RAPGEF6: variants seen among roughly 807,000 people sequenced by gnomAD.
The protein encoded by RAPGEF6 is PDZ domain containing guanine nucleotide exchange factor (GEF) 2.
Under a neutral mutation model 171.4 loss-of-function variants are expected in RAPGEF6, and 56 were observed. The ratio of observed to expected loss-of-function variants is 0.33; its 90% CI spans 0.26 to 0.41. The LOEUF is 0.41. Ranked by LOEUF, RAPGEF6 falls within the 10% of genes least tolerant of loss-of-function variation. RAPGEF6 has a pLI of 1.00. For missense variants in RAPGEF6, 1,674 were observed against 1,921.4 expected, an observed-to-expected ratio of 0.87 and a Z score of 2.41; for synonymous variants, 692 against 650.1, an observed-to-expected ratio of 1.06 and a Z score of -0.98.
At chr5:131,433,902 G>A (rs765503382) in intron 24 of RAPGEF6, among the ~76,000 whole-genome samples, 7 of 152,128 alleles carry the variant, frequency 4.6e-5, no homozygotes, top group Non-Finnish European at 7.4e-5. Context: ...GACAGTCAAA[G>A]TCCAGTGTTA....
intron 4 of RAPGEF6, among the ~76,000 whole-genome samples, chr5:131,567,340 T>C (rs539864655): frequency 2.0e-5 from 3 of 152,312 alleles, no homozygotes; most frequent in Middle Eastern, 3.4e-3. Flanking sequence ...CTTTTGAGTA[T>C]ACTCTGTTCT....
chr5:131,635,223 C>G lies in RAPGEF6; in HGVS notation c.-193G>C, dbSNP rs982290833. 1.8e-6 allele frequency: 1 copy of G among 567,616 alleles called. No homozygotes were observed. The allele number at this position is 567,616 out of a possible 1,614,324, so 35.2% of individuals were successfully genotyped here. ...CTACCCACGCGCGACTGGCCGGAGACAAGTCTGCGCGGGGGCGGGGGAGAG... is the reference window on the plus strand; with the variant it reads ...CTACCCACGCGCGACTGGCCGGAGAGAAGTCTGCGCGGGGGCGGGGGAGAG... On this transcript the variant is annotated 5_prime_UTR_variant, in exon 1 of 28. Transcript: ENST00000509018.
Position 131,497,207 on chromosome 5 carries a change from T to C in RAPGEF6, c.1419+1236A>G, listed in dbSNP as rs189916226. On this transcript the variant is annotated intron_variant, in intron 12 of 27. Transcript: ENST00000509018. ...AATGTCTATACAAGTCCTTGGTCCA[T>C]GTTTAAACTGTGCTGTCTTTTCGTT... is the stretch of plus-strand genomic sequence containing the variant. Among the ~76,000 whole-genome samples, 218 of 152,318 alleles carry C rather than the reference T, an allele frequency of 1.4e-3. 1 individual carries two copies. Among genetic ancestry groups the C allele is most frequent in the Middle Eastern group, 3.4e-3 (1 of 292 alleles).
chr5:131,532,466 C>T (rs566849733), intron 6 of RAPGEF6, among the ~76,000 whole-genome samples: 3 of 152,242 alleles, frequency 2.0e-5, no homozygotes, highest in East Asian at 1.9e-4. Context: ...ACAGTTAATA[C>T]GGTATCAGTC....
chr5:131,525,711 T>C (rs372536192), intron 6 of RAPGEF6, among the ~76,000 whole-genome samples: 2 of 151,976 alleles, frequency 1.3e-5, no homozygotes, highest in African/African-American at 2.4e-5. Context: ...AGGCAAACAC[T>C]GAAAATAGTT....
intron 3 of RAPGEF6, 27 bp downstream of exon 3, chr5:131,603,244 G>C (rs1162777700): frequency 2.0e-6 from 3 of 1,505,670 alleles, no homozygotes; most frequent in Non-Finnish European, 2.7e-6. Flanking sequence ...AAAGTCATTA[G>C]TTTATGTGAA....
intron 1 of RAPGEF6, among the ~76,000 whole-genome samples, chr5:131,628,080 AC>A (rs1391044635): frequency 2.0e-5 from 3 of 152,070 alleles, no homozygotes; most frequent in Non-Finnish European, 4.4e-5. Flanking sequence ...CCAATTAATA[AC>A]CCTACAATGG....
Position 131,461,973 on chromosome 5 carries a change from T to A in RAPGEF6, c.2596A>T (p.Thr866Ser), listed in dbSNP as rs1341119038. The A allele has an allele frequency of 6.2e-7, 1 of 1,614,048 alleles. No individual in the cohort carries two copies. Among genetic ancestry groups the A allele is most frequent in the Non-Finnish European group, 8.5e-7 (1 of 1,180,004 alleles). The change falls in exon 19 of 28, where the codon ACC becomes TCC. Residue 866 changes from threonine (T) to serine (S), a missense_variant. Around this residue, in one of 3 missense-constraint regions of RAPGEF6, gnomAD observed 1,116 missense variants for 1,321.5 expected, o/e 0.84. Coordinates refer to ENST00000509018, the MANE Select transcript of RAPGEF6 (RefSeq NM_016340.6). ...TCAAAGTCCCTCATTGACAGCTGGG[T>A]GGCCACCTCAATGGTACTGAGCTGC... ...MLQLSTIEVATQLSMRDFDLF... is the reference protein window; with the variant it reads ...MLQLSTIEVASQLSMRDFDLF...
At chr5:131,600,756 C>T (rs899402466) in intron 3 of RAPGEF6, among the ~76,000 whole-genome samples, 12 of 152,090 alleles carry the variant, frequency 7.9e-5, no homozygotes, top group Non-Finnish European at 1.6e-4. Context: ...TTCTACCTCA[C>T]ATCAAAAGTA....
At chr5:131,488,541 C>A (rs955503615) in intron 15 of RAPGEF6, among the ~76,000 whole-genome samples, 1 of 152,126 alleles carries the variant, frequency 6.6e-6, no homozygotes, top group Non-Finnish European at 1.5e-5. Context: ...GGCTTACTTA[C>A]TTATTCTATG....
At chr5:131,568,108 T>G (rs952437871) in intron 4 of RAPGEF6, among the ~76,000 whole-genome samples, 1 of 152,204 alleles carries the variant, frequency 6.6e-6, no homozygotes, top group Non-Finnish European at 1.5e-5. Context: ...TAATAGGATT[T>G]TGAATTGTCA....
chr5:131,631,756 G>A (rs972257870), intron 1 of RAPGEF6, among the ~76,000 whole-genome samples: 5 of 152,228 alleles, frequency 3.3e-5, no homozygotes, highest in East Asian at 3.9e-4. Context: ...TGACCAGACT[G>A]GGCAATATAG....
intron 22 of RAPGEF6, among the ~76,000 whole-genome samples, chr5:131,443,711 A>C (rs894064462): frequency 6.6e-6 from 1 of 151,848 alleles, no homozygotes; most frequent in African/African-American, 2.4e-5. Context: ...CCAGTCCTAT[A>C]CTCTCATTAG....
chr5:131,504,812 C>T, intron 10 of RAPGEF6, 34 bp from the exon 11 acceptor site: 1 of 1,577,420 alleles, frequency 6.3e-7, no homozygotes, highest in Non-Finnish European at 8.6e-7. Context: ...AGTTAATGAA[C>T]CTATAGTACA....
chr5:131,568,179 T>G (rs992552572), intron 4 of RAPGEF6, among the ~76,000 whole-genome samples: 3 of 152,244 alleles, frequency 2.0e-5, no homozygotes, highest in Non-Finnish European at 4.4e-5. Flanking sequence ...ATGAAATTAC[T>G]AACTTGTCTG....
intron 6 of RAPGEF6, among the ~76,000 whole-genome samples, chr5:131,546,536 A>G (rs1045039739): frequency 2.0e-5 from 3 of 152,030 alleles, no homozygotes; most frequent in Non-Finnish European, 4.4e-5. Flanking sequence ...CCCAGGAGGC[A>G]GAGGTTGCAG....
chr5:131,452,930 C>T (rs1030909449), intron 21 of RAPGEF6, 124 bp downstream of exon 21: 7 of 1,210,710 alleles, frequency 5.8e-6, no homozygotes, highest in Admixed American at 5.5e-5. Flanking sequence ...ATGAAACGGA[C>T]ACATATAAAG....
chr5:131,512,853 T>C (rs767526357), intron 7 of RAPGEF6, among the ~76,000 whole-genome samples: 10 of 152,162 alleles, frequency 6.6e-5, no homozygotes, highest in African/African-American at 9.7e-5. Flanking sequence ...AGTTAGAAGG[T>C]ACCTCTAACA....
chr5:131,512,377 T>TTC (rs1561525027), intron 7 of RAPGEF6, among the ~76,000 whole-genome samples: 13 of 42,288 alleles, frequency 3.1e-4, no homozygotes, highest in African/African-American at 7.5e-4. Flanking sequence ...TTTTCTTCTT[T>TTC]TTTTTTTTTT....
Sources: gnomAD v4.1 joint callset for allele counts (sites outside exome capture counted in the v4.1 genomes callset) on GRCh38, gnomAD v4.1.1 for gene constraint, gnomAD v4.1.1 regional missense constraint, MANE v1.5 for transcripts, NCBI Gene and HGNC (gene_info 2026-07-23, HGNC 2026-07-21) for gene names.